LOC128125817: variants seen among roughly 807,000 people sequenced by gnomAD.
chr1:41,589,070 C>A, the LOC128125817 span, among the ~76,000 whole-genome samples: 5 of 152,204 alleles, frequency 3.3e-5, no homozygotes, highest in African/African-American at 1.2e-4. Context: ...TCTTTTCTAC[C>A]TTCTGTGGTT....
At chr1:41,593,495 A>C in the LOC128125817 span, among the ~76,000 whole-genome samples, 1 of 152,192 alleles carries the variant, frequency 6.6e-6, no homozygotes, top group Non-Finnish European at 1.5e-5. Flanking sequence ...TATCTTCTGC[A>C]TACTTGTATG....
the LOC128125817 span, among the ~76,000 whole-genome samples, chr1:41,618,653 C>G: frequency 6.6e-6 from 1 of 151,684 alleles, no homozygotes; most frequent in Non-Finnish European, 1.5e-5. Context: ...TTGTTCAAAG[C>G]CTTCCCTGAC....
At chr1:41,607,201 C>T in the LOC128125817 span, among the ~76,000 whole-genome samples, 105 of 152,216 alleles carry the variant, frequency 6.9e-4, 3 homozygotes, top group South Asian at 0.018. Context: ...CTGTCTGTGG[C>T]TTCTAGTTCT....
the LOC128125817 span, among the ~76,000 whole-genome samples, chr1:41,604,740 C>A: frequency 6.6e-6 from 1 of 152,058 alleles, no homozygotes; most frequent in African/African-American, 2.4e-5. Context: ...TACTAGCAGC[C>A]TAAGACATAC....
the LOC128125817 span, among the ~76,000 whole-genome samples, chr1:41,627,625 C>G: frequency 2.6e-5 from 4 of 152,138 alleles, no homozygotes; most frequent in Non-Finnish European, 4.4e-5. Flanking sequence ...GTGGCCCCAT[C>G]CCCTTCTCTA....
chr1:41,610,162 T>C, the LOC128125817 span, among the ~76,000 whole-genome samples: 10 of 152,298 alleles, frequency 6.6e-5, no homozygotes, highest in African/African-American at 1.9e-4. Context: ...AATCTCTCTC[T>C]CTGTATACAC....
At chr1:41,612,035 T>C in the LOC128125817 span, among the ~76,000 whole-genome samples, 1 of 152,042 alleles carries the variant, frequency 6.6e-6, no homozygotes, top group Non-Finnish European at 1.5e-5. Context: ...AGTCTGGCTA[T>C]TCCACCCTGT....
the LOC128125817 span, among the ~76,000 whole-genome samples, chr1:41,590,095 C>A: frequency 6.6e-6 from 1 of 152,158 alleles, no homozygotes; most frequent in Non-Finnish European, 1.5e-5. Flanking sequence ...GAGCAGAATT[C>A]TTCACTTGCA....
chr1:41,625,576 C>G, the LOC128125817 span, among the ~76,000 whole-genome samples: 3 of 152,130 alleles, frequency 2.0e-5, no homozygotes, highest in African/African-American at 7.2e-5. Context: ...AAATAAATGT[C>G]AAAAACTAGA....
the LOC128125817 span, among the ~76,000 whole-genome samples, chr1:41,598,805 T>C: frequency 1.5e-5 from 1 of 65,986 alleles, no homozygotes; most frequent in Non-Finnish European, 2.7e-5. Flanking sequence ...AGTCACATGA[T>C]GTTATTTATT....
the LOC128125817 span, among the ~76,000 whole-genome samples, chr1:41,598,082 A>G: frequency 6.6e-6 from 1 of 152,316 alleles, no homozygotes; most frequent in South Asian, 2.1e-4. Context: ...TTTATCTTAA[A>G]TGGTCCAGGA....
At chr1:41,595,772 T>C in the LOC128125817 span, among the ~76,000 whole-genome samples, 2 of 152,288 alleles carry the variant, frequency 1.3e-5, no homozygotes, top group African/African-American at 4.8e-5. Flanking sequence ...ATGAAAAGAC[T>C]AGACTGGCTT....
chr1:41,624,709 G>A, the LOC128125817 span, among the ~76,000 whole-genome samples: 5 of 152,290 alleles, frequency 3.3e-5, no homozygotes, highest in African/African-American at 1.2e-4. Flanking sequence ...TGTGTAATAG[G>A]AAGGAATTCA....
the LOC128125817 span, among the ~76,000 whole-genome samples, chr1:41,605,108 TAAAA>T: frequency 1.2e-5 from 1 of 83,972 alleles, no homozygotes. Flanking sequence ...CTGTCTCCAA[TAAAA>T]AAAAAAAAAA....
the LOC128125817 span, among the ~76,000 whole-genome samples, chr1:41,594,325 C>A: frequency 1.3e-5 from 2 of 152,274 alleles, no homozygotes; most frequent in East Asian, 3.9e-4. Context: ...TGGGTTCATG[C>A]AATTCTCCTG....
chr1:41,598,781 A>G, the LOC128125817 span, among the ~76,000 whole-genome samples: 1 of 149,506 alleles, frequency 6.7e-6, no homozygotes. Context: ...AAGGAAACAT[A>G]CTCCCACACA....
the LOC128125817 span, among the ~76,000 whole-genome samples, chr1:41,622,843 C>T: frequency 1.3e-5 from 2 of 152,210 alleles, no homozygotes; most frequent in East Asian, 3.8e-4. Flanking sequence ...AGATCAACAA[C>T]AACATTGCTG....
the LOC128125817 span, among the ~76,000 whole-genome samples, chr1:41,627,292 G>C: frequency 6.6e-6 from 1 of 152,236 alleles, no homozygotes; most frequent in Non-Finnish European, 1.5e-5. Context: ...CATTTTGCAA[G>C]TGAGAAGGAT....
the LOC128125817 span, among the ~76,000 whole-genome samples, chr1:41,594,234 A>T: frequency 1.3e-5 from 2 of 152,062 alleles, no homozygotes; most frequent in Non-Finnish European, 1.5e-5. Context: ...TTTTATTATT[A>T]TTTTTTGAAA....
Sources: allele counts gnomAD v4.1 joint callset (sites outside exome capture counted in the v4.1 genomes callset), GRCh38; gene constraint gnomAD v4.1.1; transcripts MANE v1.5.